CDH13: variants seen among roughly 807,000 people sequenced by gnomAD.
CDH13 encodes cadherin 13.
Under a neutral mutation model 63.8 loss-of-function variants are expected in CDH13, and 24 were observed. That is an observed-to-expected ratio of 0.38 (90% CI 0.27 to 0.53). The LOEUF (loss-of-function observed/expected upper bound fraction) is 0.53, where lower values mean the gene tolerates loss of function less well. CDH13 is among the 20% of genes least tolerant of loss of function. The pLI is 0.85. For missense variants in CDH13, 1,049 were observed against 903.1 expected (o/e 1.16, Z -2.07); for synonymous variants, 503 against 355.3 (o/e 1.42, Z -4.67).
At chr16:82,997,330 C>T (rs535056840) in intron 2 of CDH13, among the ~76,000 whole-genome samples, 40 of 152,226 alleles carry the variant, frequency 2.6e-4, no homozygotes, top group African/African-American at 9.1e-4. Context: ...GACCCTAATA[C>T]GTTTTCACTA....
chr16:83,402,120 G>C (rs532634944), intron 6 of CDH13, among the ~76,000 whole-genome samples: 2 of 152,218 alleles, frequency 1.3e-5, no homozygotes, highest in East Asian at 1.9e-4. Flanking sequence ...TATCCAGGAG[G>C]TTACCTTGAA....
intron 4 of CDH13, among the ~76,000 whole-genome samples, chr16:83,148,683 T>C (rs1306206702): frequency 6.6e-6 from 1 of 152,214 alleles, no homozygotes; most frequent in African/African-American, 2.4e-5. Context: ...TTATTATTAT[T>C]ATGAATATCT....
chr16:83,181,724 C>G (rs2038353447), intron 4 of CDH13, among the ~76,000 whole-genome samples: 1 of 152,050 alleles, frequency 6.6e-6, no homozygotes. Flanking sequence ...CACCCTTGGT[C>G]CCTGGATGGA....
At chr16:83,196,165 A>AGAAT (rs112936173) in intron 4 of CDH13, among the ~76,000 whole-genome samples, 1 of 152,222 alleles carries the variant, frequency 6.6e-6, no homozygotes, top group African/African-American at 2.4e-5. Flanking sequence ...CTGAAGCAGG[A>AGAAT]GAATCACTTG....
intron 3 of CDH13, among the ~76,000 whole-genome samples, chr16:83,102,577 G>T (rs145744407): frequency 1.3e-5 from 2 of 152,252 alleles, no homozygotes; most frequent in African/African-American, 2.4e-5. Flanking sequence ...CTAGGAGATC[G>T]CACTGGAAGC....
rs573684463 is a variant in CDH13 at position 83,234,181 on chromosome 16, T to C, written c.636+16684T>C. ...TGTGTGGCAACACTGGTGTCTCTGATAGGTTTTCTTTCCAGAGTGGGAGTG... is the reference window on the plus strand; with the variant it reads ...TGTGTGGCAACACTGGTGTCTCTGACAGGTTTTCTTTCCAGAGTGGGAGTG... On this transcript the variant is annotated intron_variant, in intron 5 of 13. Coordinates refer to ENST00000567109, the MANE Select transcript of CDH13 (RefSeq NM_001257.5). Among the ~76,000 whole-genome samples the C allele has an allele frequency of 8.5e-5, 13 of 152,342 alleles. No individual in the cohort carries two copies. The South Asian group carries it at 2.5e-3, about 29-fold the overall frequency.
chr16:83,093,294 C>CTTTTTTTTTTTTT (rs549590536), intron 3 of CDH13, among the ~76,000 whole-genome samples: 2 of 35,292 alleles, frequency 5.7e-5, no homozygotes, highest in Non-Finnish European at 1.1e-4. Context: ...ACCATAAGTA[C>CTTTTTTTTTTTTT]TTTTTTTTTT....
intron 4 of CDH13, among the ~76,000 whole-genome samples, chr16:83,189,294 C>A (rs1424595683): frequency 3.9e-5 from 6 of 152,166 alleles, no homozygotes; most frequent in African/African-American, 1.4e-4. Flanking sequence ...ACAACTGCTC[C>A]TTTAGATCAG....
intron 1 of CDH13, among the ~76,000 whole-genome samples, chr16:82,649,480 A>G (rs1910478743): frequency 1.3e-5 from 2 of 152,210 alleles, no homozygotes; most frequent in Admixed American, 6.5e-5. Flanking sequence ...ACTAGATTCA[A>G]CAAAAAGAAC....
intron 13 of CDH13, among the ~76,000 whole-genome samples, chr16:83,789,201 A>G (rs1916088315): frequency 6.6e-6 from 1 of 152,218 alleles, no homozygotes; most frequent in Non-Finnish European, 1.5e-5. Flanking sequence ...AAAAGCAGAC[A>G]TCAAAGTGGC....
intron 7 of CDH13, among the ~76,000 whole-genome samples, chr16:83,491,728 A>G (rs1473315533): frequency 6.6e-6 from 1 of 152,114 alleles, no homozygotes; most frequent in East Asian, 1.9e-4. Context: ...CTTATTATCT[A>G]TTATCTTCCA....
intron 1 of CDH13, among the ~76,000 whole-genome samples, chr16:82,777,915 C>A (rs1441627326): frequency 6.6e-6 from 1 of 152,132 alleles, no homozygotes; most frequent in Non-Finnish European, 1.5e-5. Flanking sequence ...CAACTTGATT[C>A]GTCAGAGAAA....
intron 4 of CDH13, among the ~76,000 whole-genome samples, chr16:83,146,206 A>AAAAAAAAAAG (rs1472391722): frequency 2.0e-5 from 3 of 147,844 alleles, no homozygotes; most frequent in African/African-American, 7.9e-5. Flanking sequence ...AAAAAAAAAA[A>AAAAAAAAAAG]AAAAGAAAAG....
At chr16:83,177,612 G>C (rs1445347371) in intron 4 of CDH13, among the ~76,000 whole-genome samples, 1 of 152,210 alleles carries the variant, frequency 6.6e-6, no homozygotes, top group South Asian at 2.1e-4. Flanking sequence ...TGAGTCTCCA[G>C]TGAATGGGGA....
intron 8 of CDH13, among the ~76,000 whole-genome samples, chr16:83,670,295 G>A (rs185817384): frequency 3.3e-5 from 5 of 152,312 alleles, no homozygotes; most frequent in East Asian, 3.9e-4. Context: ...GCAAGGCTGC[G>A]AGAACAAATG....
At chr16:83,118,160 G>C (rs558060713) in intron 3 of CDH13, among the ~76,000 whole-genome samples, 26 of 152,308 alleles carry the variant, frequency 1.7e-4, no homozygotes, top group African/African-American at 6.0e-4. Flanking sequence ...ACTGCTGTGG[G>C]GGGAATCCCA....
intron 5 of CDH13, among the ~76,000 whole-genome samples, chr16:83,291,567 C>G (rs1018199498): frequency 1.3e-5 from 2 of 151,886 alleles, no homozygotes; most frequent in South Asian, 2.1e-4. Flanking sequence ...TAACCCTATG[C>G]AAAAATAATC....
chr16:83,174,083 G>C (rs1170290132), intron 4 of CDH13, among the ~76,000 whole-genome samples: 1 of 152,060 alleles, frequency 6.6e-6, no homozygotes, highest in Non-Finnish European at 1.5e-5. Context: ...CTGATGCCTT[G>C]AGGCTGGTCA....
rs1320511768 is a variant in CDH13 at position 83,234,918 on chromosome 16, C to A, written c.636+17421C>A. Among the ~76,000 whole-genome samples the A allele has an allele frequency of 1.3e-5, 2 of 152,162 alleles. 1 individual carries two copies. Among genetic ancestry groups the A allele is most frequent in the Non-Finnish European group, 2.9e-5 (2 of 68,044 alleles). On this transcript the variant is annotated intron_variant, in intron 5 of 13. Transcript: ENST00000567109. ...ACTCTGTTAACTGCTTGGTTTGGGCCGGGCACCGTGGCTCACGCCTGTAAT... is the reference window on the plus strand; with the variant it reads ...ACTCTGTTAACTGCTTGGTTTGGGCAGGGCACCGTGGCTCACGCCTGTAAT...
Sources: gnomAD v4.1 joint callset for allele counts (sites outside exome capture counted in the v4.1 genomes callset) on GRCh38, gnomAD v4.1.1 for gene constraint, MANE v1.5 for transcripts, NCBI Gene and HGNC (gene_info 2026-07-23, HGNC 2026-07-21) for gene names.